Variants in GPM6B observed in about 807,000 individuals in gnomAD.
GPM6B encodes neuronal membrane glycoprotein M6-b.
GPM6B carries 4 observed loss-of-function variants against 27.2 expected under a neutral mutation model. That is an observed-to-expected ratio of 0.15 (90% CI 0.07 to 0.34). The LOEUF is 0.34. Ranked by LOEUF, GPM6B falls within the 10% of genes least tolerant of loss-of-function variation. The pLI, the probability that GPM6B is intolerant of heterozygous loss-of-function variation, is 1.00. For synonymous variants in GPM6B, 124 were observed against 103.1 expected, an observed-to-expected ratio of 1.20 and a Z score of -1.23; for missense variants, 183 against 261.9, an observed-to-expected ratio of 0.70 and a Z score of 2.08.
chrX:13,810,305 G>A (rs1268974178), intron 1 of GPM6B, among the ~76,000 whole-genome samples: 2 of 111,829 alleles, frequency 1.8e-5, no homozygotes, highest in African/African-American at 3.2e-5. Flanking sequence ...TGGTAAAGGG[G>A]GCTATGAGCC....
intron 1 of GPM6B, among the ~76,000 whole-genome samples, chrX:13,926,317 AC>A (rs1474840231): frequency 9.3e-6 from 1 of 107,457 alleles, no homozygotes; most frequent in African/African-American, 3.4e-5. Context: ...CTGAAGCAGG[AC>A]AATGGCGTGA....
At chrX:13,825,691 A>T (rs1402306451) in intron 1 of GPM6B, among the ~76,000 whole-genome samples, 2 of 112,904 alleles carry the variant, frequency 1.8e-5, no homozygotes, top group African/African-American at 6.4e-5. Context: ...GGTGAAGAAG[A>T]GGAAGCAGGG....
At chrX:13,851,447 A>T (rs1166140839) in intron 1 of GPM6B, among the ~76,000 whole-genome samples, 1 of 111,429 alleles carries the variant, frequency 9.0e-6, no homozygotes, top group Non-Finnish European at 1.9e-5. Flanking sequence ...ACGCTGCCTG[A>T]CACACAGTAG....
chrX:13,877,091 C>A (rs2050041061), intron 1 of GPM6B, among the ~76,000 whole-genome samples: 1 of 111,258 alleles, frequency 9.0e-6, no homozygotes, highest in Admixed American at 9.5e-5. Context: ...AGCCCCTCAC[C>A]ACCCCAAGGC....
intron 1 of GPM6B, among the ~76,000 whole-genome samples, chrX:13,813,986 T>C (rs936334096): frequency 8.9e-6 from 1 of 112,215 alleles, no homozygotes; most frequent in African/African-American, 3.2e-5. Flanking sequence ...ATGAAAACTA[T>C]CAGACTGAAA....
chrX:13,787,761 A>G (rs897341553), intron 2 of GPM6B, among the ~76,000 whole-genome samples: 1 of 111,964 alleles, frequency 8.9e-6, no homozygotes, highest in African/African-American at 3.2e-5. Context: ...AAGAGAAACT[A>G]GAATCCTTGG....
intron 1 of GPM6B, among the ~76,000 whole-genome samples, chrX:13,911,882 A>G (rs2050381611): frequency 8.9e-6 from 1 of 112,367 alleles, no homozygotes; most frequent in Admixed American, 9.4e-5. Context: ...ACTGTTACAC[A>G]TTTCCCTTCA....
chrX:13,915,282 A>T (rs1487326667), intron 1 of GPM6B, among the ~76,000 whole-genome samples: 1 of 29,839 alleles, frequency 3.4e-5, no homozygotes, highest in African/African-American at 1.4e-4. Context: ...AATGTGTAAA[A>T]AAAAAAAAAA....
At chrX:13,800,776 G>A (rs939493344) in intron 2 of GPM6B, among the ~76,000 whole-genome samples, 4 of 111,170 alleles carry the variant, frequency 3.6e-5, no homozygotes, top group Non-Finnish European at 7.5e-5. Context: ...ATTGCCTGGG[G>A]GAGCTTCTTA....
At chrX:13,839,694 C>T (rs1447491225) in intron 1 of GPM6B, among the ~76,000 whole-genome samples, 3 of 111,537 alleles carry the variant, frequency 2.7e-5, no homozygotes, top group Non-Finnish European at 5.6e-5. Flanking sequence ...TGGGCCTCTC[C>T]TAATTCCAGG....
chrX:13,858,401 G>T (rs1266382588), intron 1 of GPM6B, among the ~76,000 whole-genome samples: 1 of 111,503 alleles, frequency 9.0e-6, no homozygotes, highest in Non-Finnish European at 1.9e-5. Flanking sequence ...GGGGGAGACA[G>T]ATTTCCAAAA....
chrX:13,837,655 T>TC (rs747766003), intron 1 of GPM6B, among the ~76,000 whole-genome samples: 1 of 87,859 alleles, frequency 1.1e-5, no homozygotes, highest in Non-Finnish European at 2.1e-5. Flanking sequence ...ATTAGCATAT[T>TC]CCCCCCCTCC....
At chrX:13,932,044 C>G (rs1215235704) in intron 1 of GPM6B, among the ~76,000 whole-genome samples, 1 of 112,444 alleles carries the variant, frequency 8.9e-6, no homozygotes, top group African/African-American at 3.2e-5. Context: ...CTTTTATCCC[C>G]TTGGGGAGAC....
intron 1 of GPM6B, among the ~76,000 whole-genome samples, chrX:13,861,005 TACACACACACACACAC>T (rs55808485): frequency 4.2e-4 from 33 of 79,387 alleles, no homozygotes; most frequent in African/African-American, 1.7e-3. Context: ...TGAATGTGCA[TACACACACACACACAC>T]ACACACACAC....
chrX:13,895,638 A>G (rs1324320161), intron 1 of GPM6B, among the ~76,000 whole-genome samples: 1 of 111,856 alleles, frequency 8.9e-6, no homozygotes, highest in Non-Finnish European at 1.9e-5. Context: ...TATCTCTATC[A>G]TAGGAAACAA....
intron 1 of GPM6B, among the ~76,000 whole-genome samples, chrX:13,891,697 T>C (rs2050190333): frequency 8.9e-6 from 1 of 112,035 alleles, no homozygotes; most frequent in Non-Finnish European, 1.9e-5. Context: ...TCCTCAGCAT[T>C]GGGGGAAATT....
At chrX:13,837,449 C>G (rs1434183319) in intron 1 of GPM6B, among the ~76,000 whole-genome samples, 1 of 111,122 alleles carries the variant, frequency 9.0e-6, no homozygotes, top group Non-Finnish European at 1.9e-5. Context: ...CCATGAGAAC[C>G]CACTCAACTC....
intron 1 of GPM6B, among the ~76,000 whole-genome samples, chrX:13,829,565 C>G (rs1486670743): frequency 9.0e-6 from 1 of 111,103 alleles, no homozygotes; most frequent in Non-Finnish European, 1.9e-5. Flanking sequence ...TTTCTGTGCC[C>G]TTGCCTGGCC....
At chrX:13,874,743 C>T (rs184033674) in intron 1 of GPM6B, among the ~76,000 whole-genome samples, 135 of 110,218 alleles carry the variant, frequency 1.2e-3, no homozygotes, top group African/African-American at 4.4e-3. Flanking sequence ...AAAACAAAAA[C>T]AAAAAAACAC....
Sources: gnomAD v4.1 joint callset for allele counts (sites outside exome capture counted in the v4.1 genomes callset) on GRCh38, gnomAD v4.1.1 for gene constraint, MANE v1.5 for transcripts, NCBI Gene and HGNC (gene_info 2026-07-23, HGNC 2026-07-21) for gene names.